HCN1: variants seen among roughly 807,000 people sequenced by gnomAD.
HCN1 encodes the protein potassium/sodium hyperpolarization-activated cyclic nucleotide-gated channel 1.
A neutral mutation model predicts 78.9 loss-of-function variants in HCN1; 13 were observed. The observed-to-expected ratio is 0.16, with a 90% confidence interval of 0.11 to 0.26. The LOEUF (loss-of-function observed/expected upper bound fraction) is 0.26, where lower values mean the gene tolerates loss of function less well. Ranked by LOEUF, HCN1 falls within the 10% of genes least tolerant of loss-of-function variation. The pLI, the probability that HCN1 is intolerant of heterozygous loss-of-function variation, is 1.00. For missense variants in HCN1, 810 were observed against 1,154.3 expected (o/e 0.70, Z 4.32); for synonymous variants, 552 against 455.5 (o/e 1.21, Z -2.70).
chr5:45,424,119 C>CAAAAAAA (rs35117761), intron 3 of HCN1, among the ~76,000 whole-genome samples: 8 of 67,954 alleles, frequency 1.2e-4, no homozygotes, highest in African/African-American at 2.1e-4. Context: ...ACTAAAAATC[C>CAAAAAAA]AAAAAAAAAA....
chr5:45,492,589 C>A (rs1227332289), intron 2 of HCN1, among the ~76,000 whole-genome samples: 1 of 147,556 alleles, frequency 6.8e-6, no homozygotes, highest in Non-Finnish European at 1.5e-5. Context: ...GCAACCTCCA[C>A]CTCCCCGGTT....
At chr5:45,299,996 G>A (rs1190295516) in intron 6 of HCN1, among the ~76,000 whole-genome samples, 1 of 151,964 alleles carries the variant, frequency 6.6e-6, no homozygotes, top group African/African-American at 2.4e-5. Flanking sequence ...AGGATATTCA[G>A]TGATGTGATT....
chr5:45,651,542 AC>A (rs1458571994), intron 1 of HCN1, among the ~76,000 whole-genome samples: 1 of 152,038 alleles, frequency 6.6e-6, no homozygotes, highest in African/African-American at 2.4e-5. Flanking sequence ...AATTTTTATA[AC>A]AACAATAGTC....
chr5:45,695,352 C>T (rs564222708), intron 1 of HCN1, among the ~76,000 whole-genome samples: 1 of 152,250 alleles, frequency 6.6e-6, no homozygotes, highest in African/African-American at 2.4e-5. Flanking sequence ...TAAAAGTTTC[C>T]CTTGTACAAC....
chr5:45,267,462 T>TA (rs1561081536), intron 6 of HCN1, among the ~76,000 whole-genome samples: 33 of 149,942 alleles, frequency 2.2e-4, no homozygotes, highest in South Asian at 6.3e-4. Flanking sequence ...TTGTTTTGTT[T>TA]TAAAAAAAAA....
chr5:45,480,346 T>A (rs1011008521), intron 2 of HCN1, among the ~76,000 whole-genome samples: 4 of 152,224 alleles, frequency 2.6e-5, no homozygotes, highest in African/African-American at 9.6e-5. Flanking sequence ...GTATTTTATA[T>A]GTTTCTCTAA....
At position 45,534,404 on chromosome 5, in the gene HCN1, C is replaced by CA. The variant is rs71000637; in HGVS notation, c.850-72398dup. On this transcript the variant is annotated intron_variant, in intron 2 of 7. Transcript: ENST00000303230. ...TGGGCAACAGAGTGAGACTGCATCT[C>CA]AAAAAAAAAAAAAAAAAAAAAAAAA... 5.9e-3 allele frequency among the ~76,000 whole-genome samples: 173 copies of CA among 29,314 alleles called. 30 individuals carry two copies. The highest frequency in any genetic ancestry group is 0.012 in the South Asian group (5 of 434). The allele number at this position is 29,314 out of a possible 152,430, so 19.2% of individuals were successfully genotyped here.
chr5:45,531,411 T>C (rs1258181517), intron 2 of HCN1, among the ~76,000 whole-genome samples: 2 of 152,200 alleles, frequency 1.3e-5, no homozygotes, highest in Non-Finnish European at 2.9e-5. Context: ...TCTGTTGCTA[T>C]TGCCATTATT....
intron 1 of HCN1, among the ~76,000 whole-genome samples, chr5:45,657,009 G>C (rs778572177): frequency 6.6e-6 from 1 of 151,880 alleles, no homozygotes; most frequent in Non-Finnish European, 1.5e-5. Flanking sequence ...TGGCAGCTGC[G>C]TATTATCTGA....
chr5:45,675,188 A>C (rs1051104578), intron 1 of HCN1, among the ~76,000 whole-genome samples: 2 of 151,710 alleles, frequency 1.3e-5, no homozygotes, highest in East Asian at 3.9e-4. Flanking sequence ...AACCCATCTT[A>C]TATCGAGTCT....
intron 5 of HCN1, among the ~76,000 whole-genome samples, chr5:45,346,960 C>T (rs1030795437): frequency 1.3e-5 from 2 of 152,348 alleles, no homozygotes. Flanking sequence ...AAAAAGACAG[C>T]AGTAACCTCT....
chr5:45,352,795 C>T (rs567226534), intron 5 of HCN1, among the ~76,000 whole-genome samples: 1 of 151,774 alleles, frequency 6.6e-6, no homozygotes, highest in Non-Finnish European at 1.5e-5. Context: ...AAAGAAGAAT[C>T]AGTTTGATAA....
At chr5:45,587,443 G>A (rs577641306) in intron 2 of HCN1, among the ~76,000 whole-genome samples, 197 of 151,634 alleles carry the variant, frequency 1.3e-3, no homozygotes, top group Middle Eastern at 3.4e-3. Context: ...GCAAACTATC[G>A]CAAGGACAAA....
intron 4 of HCN1, among the ~76,000 whole-genome samples, chr5:45,372,080 A>G (rs866373122): frequency 1.4e-4 from 8 of 58,476 alleles, no homozygotes; most frequent in South Asian, 4.6e-4. Flanking sequence ...TATTATATAT[A>G]ATATAATTAT....
At chr5:45,410,967 T>G (rs1269867199) in intron 3 of HCN1, among the ~76,000 whole-genome samples, 1 of 152,036 alleles carries the variant, frequency 6.6e-6, no homozygotes, top group Non-Finnish European at 1.5e-5. Context: ...CACAGACAAC[T>G]TCACAGAGAA....
At chr5:45,560,089 T>C (rs968585407) in intron 2 of HCN1, 6 of 152,166 alleles carry the variant, frequency 3.9e-5, no homozygotes, top group Admixed American at 2.0e-4. Flanking sequence ...TAGTTTATAG[T>C]ATAGTGTACA....
intron 4 of HCN1, among the ~76,000 whole-genome samples, chr5:45,372,703 G>T (rs1014558458): frequency 7.3e-6 from 1 of 136,650 alleles, no homozygotes; most frequent in Non-Finnish European, 1.6e-5. Context: ...AAATATATAC[G>T]TATTTATATA....
intron 2 of HCN1, among the ~76,000 whole-genome samples, chr5:45,545,309 A>G (rs537243891): frequency 3.3e-5 from 5 of 151,754 alleles, no homozygotes; most frequent in Non-Finnish European, 7.4e-5. Context: ...TTTTTTTCTT[A>G]TAAATTTGTT....
At chr5:45,615,404 A>G (rs1744923171) in intron 2 of HCN1, among the ~76,000 whole-genome samples, 2 of 152,068 alleles carry the variant, frequency 1.3e-5, no homozygotes, top group Admixed American at 1.3e-4. Context: ...AACCAAAGCC[A>G]GAAACAATAC....
Sources: allele counts gnomAD v4.1 joint callset (sites outside exome capture counted in the v4.1 genomes callset), GRCh38; gene constraint gnomAD v4.1.1; transcripts MANE v1.5; gene names NCBI Gene and HGNC (gene_info 2026-07-23, HGNC 2026-07-21).